TXLNB: variants seen among roughly 807,000 people sequenced by gnomAD.
TXLNB encodes taxilin beta.
TXLNB carries 37 observed loss-of-function variants against 57.4 expected under a neutral mutation model. That is an observed-to-expected ratio of 0.64 (90% confidence interval 0.50 to 0.85). The LOEUF (loss-of-function observed/expected upper bound fraction) is 0.85. Ranked by LOEUF, TXLNB falls within the 40% of genes least tolerant of loss-of-function variation. TXLNB has a pLI of 0.00. For synonymous variants in TXLNB, 302 were observed against 309.6 expected, an observed-to-expected ratio of 0.98 and a Z score of 0.26; for missense variants, 848 against 825.6, an observed-to-expected ratio of 1.03 and a Z score of -0.33.
chr6:139,323,882 G>T, the TXLNB span, among the ~76,000 whole-genome samples: 1 of 152,160 alleles, frequency 6.6e-6, no homozygotes, highest in African/African-American at 2.4e-5. Context: ...TTACAACAGG[G>T]GACAGTCAAC....
chr6:139,268,380 A>G (rs1224418142), intron 4 of TXLNB, among the ~76,000 whole-genome samples: 1 of 152,212 alleles, frequency 6.6e-6, no homozygotes, highest in Non-Finnish European at 1.5e-5. Flanking sequence ...CAAAAAAGGC[A>G]TAAATGATTT....
At chr6:139,220,502 G>A in the TXLNB span, among the ~76,000 whole-genome samples, 8 of 152,188 alleles carry the variant, frequency 5.3e-5, no homozygotes, top group Non-Finnish European at 7.3e-5. Context: ...AGGTAGCCAT[G>A]AGTCTCTCAA....
At chr6:139,278,365 A>C (rs1436147567) in intron 2 of TXLNB, among the ~76,000 whole-genome samples, 1 of 152,140 alleles carries the variant, frequency 6.6e-6, no homozygotes, top group African/African-American at 2.4e-5. Context: ...TTGCCTAGTG[A>C]GTCAGTTCAG....
intron 1 of TXLNB, among the ~76,000 whole-genome samples, chr6:139,290,371 C>T (rs1777277603): frequency 6.6e-6 from 1 of 152,156 alleles, no homozygotes; most frequent in Non-Finnish European, 1.5e-5. Flanking sequence ...CAGAGCAAGA[C>T]TTCGTCTCAA....
the TXLNB span, among the ~76,000 whole-genome samples, chr6:139,305,754 T>G: frequency 6.6e-6 from 1 of 152,204 alleles, no homozygotes; most frequent in Non-Finnish European, 1.5e-5. Context: ...AGTTGTAGAA[T>G]TATTAACATA....
the TXLNB span, chr6:139,166,290 C>T: frequency 6.3e-7 from 1 of 1,597,302 alleles, no homozygotes; most frequent in Admixed American, 1.7e-5. Context: ...CCAGAAGCCC[C>T]ATGTGCCACT....
rs767502539 is a variant in TXLNB, at chr6:139,288,496, T to C, written c.404A>G (p.Lys135Arg). 6 of 1,613,986 alleles carry C rather than the reference T, an allele frequency of 3.7e-6. No homozygotes were observed. Among genetic ancestry groups the C allele is most frequent in the Non-Finnish European group, 5.1e-6 (6 of 1,180,006 alleles). ...CTTGCCTAATCCTTTTAGGATTTTC[T>C]TTTCCAATTTTTGCTCCTTATTGCT... ...PVSNKEQKLE[K>R]KILKGLGKEA... Residue 135 changes from lysine to arginine, a missense_variant, in exon 2 of 10, where the codon AAG becomes AGG. Lys to Arg is a conservative substitution (Grantham distance 26, BLOSUM62 2). Coordinates refer to ENST00000358430, the MANE Select transcript of TXLNB (RefSeq NM_153235.4).
At chr6:139,182,737 TA>T in the TXLNB span, among the ~76,000 whole-genome samples, 1 of 152,342 alleles carries the variant, frequency 6.6e-6, no homozygotes, top group African/African-American at 2.4e-5. Context: ...TTTTAAGGCA[TA>T]TTTTTTCTTT....
chr6:139,224,205 C>T, the TXLNB span, among the ~76,000 whole-genome samples: 2 of 149,368 alleles, frequency 1.3e-5, no homozygotes, highest in African/African-American at 5.0e-5. Context: ...AACAAAAAAC[C>T]AAACACTGCA....
At chr6:139,185,649 C>T in the TXLNB span, among the ~76,000 whole-genome samples, 4 of 152,062 alleles carry the variant, frequency 2.6e-5, no homozygotes, top group South Asian at 6.2e-4. Flanking sequence ...TGCAGTGAGC[C>T]GAGATCGCAC....
chr6:139,298,653 A>T, the TXLNB span, among the ~76,000 whole-genome samples: 1 of 151,988 alleles, frequency 6.6e-6, no homozygotes, highest in Non-Finnish European at 1.5e-5. Flanking sequence ...CCTAAAGCAG[A>T]CTCCACTGTT....
the TXLNB span, among the ~76,000 whole-genome samples, chr6:139,206,840 A>C: frequency 1.3e-5 from 2 of 152,240 alleles, no homozygotes; most frequent in Non-Finnish European, 2.9e-5. Context: ...AGCGAGCAGC[A>C]GTAGTTATTC....
At chr6:139,190,882 C>T in the TXLNB span, among the ~76,000 whole-genome samples, 2 of 152,106 alleles carry the variant, frequency 1.3e-5, no homozygotes, top group Non-Finnish European at 2.9e-5. Context: ...GAGGCACAAG[C>T]GTTCAGACCA....
chr6:139,279,488 T>TA (rs935176827), intron 2 of TXLNB, among the ~76,000 whole-genome samples: 3 of 152,026 alleles, frequency 2.0e-5, no homozygotes, highest in African/African-American at 7.2e-5. Context: ...GGAGATTAAT[T>TA]AAAAAAAATC....
chr6:139,164,871 A>G, the TXLNB span, among the ~76,000 whole-genome samples: 5 of 147,208 alleles, frequency 3.4e-5, no homozygotes, highest in Admixed American at 1.4e-4. Context: ...GTCCTGCACT[A>G]TGAGACTCTC....
In TXLNB at chr6:139,250,661, GAGTT is replaced by G. The variant is rs1776182004; in HGVS notation, c.1078-2756_1078-2753del. 2.6e-5 allele frequency among the ~76,000 whole-genome samples: 4 copies of G among 152,090 alleles called. No individual in the cohort carries two copies. In the South Asian group the frequency reaches 8.3e-4, roughly 32 times the overall value. On this transcript the variant is annotated intron_variant, in intron 7 of 9. Transcript: ENST00000358430. ...TTCCAACTTATCAGTAACTCTAGCA[GAGTT>G]ACATAGAGGCCTCAGACACTGTGGT... is the stretch of plus-strand genomic sequence containing the variant.
chr6:139,177,045 G>A, the TXLNB span: 1 of 869,914 alleles, frequency 1.1e-6, no homozygotes, highest in Non-Finnish European at 2.0e-6. This position sits in a 1 kb window ranked among gnomAD's most constrained non-coding sequence, Gnocchi z 4.9. Context: ...CACACTGTGG[G>A]AACCTGGACT....
the TXLNB span, among the ~76,000 whole-genome samples, chr6:139,305,187 C>A: frequency 6.6e-6 from 1 of 152,108 alleles, no homozygotes; most frequent in Non-Finnish European, 1.5e-5. Flanking sequence ...CCCATTGAAA[C>A]TTTGACAACT....
chr6:139,289,325 A>T (rs1262130337), intron 1 of TXLNB, among the ~76,000 whole-genome samples: 2 of 141,932 alleles, frequency 1.4e-5, no homozygotes, highest in Admixed American at 6.9e-5. Flanking sequence ...GCCCCCAGTC[A>T]CGTACCCCCT....
Sources: gnomAD v4.1 joint callset for allele counts (sites outside exome capture counted in the v4.1 genomes callset) on GRCh38, gnomAD v4.1.1 for gene constraint, Gnocchi (gnomAD v3.1) non-coding constraint, MANE v1.5 for transcripts, NCBI Gene and HGNC (gene_info 2026-07-23, HGNC 2026-07-21) for gene names.